The following RBMS3 variants were observed in gnomAD, a reference collection of about 807,000 sequenced individuals.
RBMS3 encodes the protein RNA-binding motif, single-stranded-interacting protein 3.
Under a neutral mutation model 66.8 loss-of-function variants are expected in RBMS3, and 27 were observed. The observed-to-expected ratio is 0.40, with a 90% CI of 0.30 to 0.56. RBMS3 has a LOEUF of 0.56. Ranked by LOEUF, RBMS3 falls within the 20% of genes least tolerant of loss-of-function variation. The pLI, the probability that RBMS3 is intolerant of heterozygous loss-of-function variation, is 0.40. For synonymous variants in RBMS3, 188 were observed against 183.0 expected (o/e 1.03, Z -0.22); for missense variants, 513 against 549.5 (o/e 0.93, Z 0.66).
At chr3:29,578,790 CTTTTTTTT>C (rs1185861167) in intron 3 of RBMS3, among the ~76,000 whole-genome samples, 2 of 101,086 alleles carry the variant, frequency 2.0e-5, no homozygotes, top group African/African-American at 9.1e-5. Context: ...ATACATGCTT[CTTTTTTTT>C]TTTTTTTTTT....
intron 12 of RBMS3, among the ~76,000 whole-genome samples, chr3:29,972,566 C>G (rs1307653431): frequency 1.3e-5 from 1 of 75,548 alleles, no homozygotes; most frequent in Non-Finnish European, 2.3e-5. Flanking sequence ...AATCTCTTGA[C>G]TAAAAAAACA....
At chr3:29,635,796 G>A (rs1178008269) in intron 4 of RBMS3, among the ~76,000 whole-genome samples, 1 of 151,756 alleles carries the variant, frequency 6.6e-6, no homozygotes, top group Admixed American at 6.6e-5. Flanking sequence ...TAGTTTTAAG[G>A]TATAATCCTA....
intron 4 of RBMS3, among the ~76,000 whole-genome samples, chr3:29,710,218 G>T (rs564433825): frequency 6.3e-4 from 96 of 152,182 alleles, no homozygotes; most frequent in African/African-American, 2.2e-3. Flanking sequence ...AAAGAACCAG[G>T]CCTTATTAAT....
chr3:29,323,743 C>A (rs1442666410), intron 1 of RBMS3, among the ~76,000 whole-genome samples: 1 of 150,428 alleles, frequency 6.6e-6, no homozygotes, highest in Non-Finnish European at 1.5e-5. Flanking sequence ...GGACTGAATT[C>A]TAGATGCAAT....
intron 3 of RBMS3, among the ~76,000 whole-genome samples, chr3:29,524,415 A>AT (rs1222102515): frequency 0.23 from 13,370 of 57,052 alleles, 4,194 homozygotes; most frequent in East Asian, 0.48. Flanking sequence ...CTCCCTTTAC[A>AT]TTTTTTTTTT....
intron 3 of RBMS3, among the ~76,000 whole-genome samples, chr3:29,574,343 C>A (rs1160463232): frequency 6.6e-6 from 1 of 152,020 alleles, no homozygotes; most frequent in Non-Finnish European, 1.5e-5. Context: ...CAGTTTTTGT[C>A]TTGAAATCCA....
intron 4 of RBMS3, among the ~76,000 whole-genome samples, chr3:29,701,964 C>T (rs1392746911): frequency 3.3e-5 from 5 of 152,294 alleles, no homozygotes; most frequent in East Asian, 1.9e-4. Context: ...TGCCCGCGGC[C>T]GTGGCGCGGG....
chr3:30,003,702 T>C (rs570444455), intron 14 of RBMS3, among the ~76,000 whole-genome samples, 154 bp from the exon 15 acceptor site: 22 of 151,964 alleles, frequency 1.4e-4, no homozygotes, highest in Non-Finnish European at 2.5e-4. Flanking sequence ...AATTTGACAA[T>C]CTCATAGACT....
At position 29,691,949 on chromosome 3, in the gene RBMS3, A is replaced by ATTTTTTTTTTTTTTTTT. The variant is rs1294126975; in HGVS notation, c.400-47769_400-47753dup. On this transcript the variant is annotated intron_variant, in intron 4 of 14. Transcript: ENST00000383767. Reference sequence around the variant, plus strand: ...GTGACCCTTCTCTCTCTCTCTCTCTATTTTTTTTTTTTTTTTTTGAGATGG... The same window carrying ATTTTTTTTTTTTTTTTT: ...GTGACCCTTCTCTCTCTCTCTCTCTATTTTTTTTTTTTTTTTTTTTTTTTTTTTTTTTTTTGAGATGG... Among the ~76,000 whole-genome samples the ATTTTTTTTTTTTTTTTT allele has an allele frequency of 7.9e-3, 514 of 64,906 alleles. 105 individuals are homozygous for ATTTTTTTTTTTTTTTTT. Among genetic ancestry groups the ATTTTTTTTTTTTTTTTT allele is most frequent in the East Asian group, 0.018 (40 of 2,244 alleles). 42.6% of individuals were successfully genotyped at this position (64,906 alleles called of 152,430 possible).
At chr3:29,946,338 CTT>C (rs1217337585) in intron 12 of RBMS3, among the ~76,000 whole-genome samples, 1 of 151,618 alleles carries the variant, frequency 6.6e-6, no homozygotes, top group East Asian at 1.9e-4. Flanking sequence ...ACAAATAACT[CTT>C]TGCCAGTGTA....
rs139099677 is a variant in RBMS3 at position 29,843,389 on chromosome 3, T to C, written c.638-25469T>C. On this transcript the variant is annotated intron_variant, in intron 6 of 14. Transcript: ENST00000383767. ...ATCATATAGATAAGCAATGCAGGATTTCAGTGATTTCTATGGTCACCAGTA... is the reference window on the plus strand; with the variant it reads ...ATCATATAGATAAGCAATGCAGGATCTCAGTGATTTCTATGGTCACCAGTA... 3.2e-4 allele frequency among the ~76,000 whole-genome samples: 49 copies of C among 152,300 alleles called. No individual in the cohort carries two copies. The East Asian group carries it at 7.3e-3, about 23-fold the overall frequency.
At chr3:29,786,741 G>A (rs1257377307) in intron 6 of RBMS3, among the ~76,000 whole-genome samples, 1 of 152,118 alleles carries the variant, frequency 6.6e-6, no homozygotes, top group Non-Finnish European at 1.5e-5. Context: ...AAAGATTCTA[G>A]AAGATAACAT....
chr3:29,538,789 A>G (rs1405419158), intron 3 of RBMS3, among the ~76,000 whole-genome samples: 2 of 152,220 alleles, frequency 1.3e-5, no homozygotes, highest in African/African-American at 4.8e-5. Flanking sequence ...GTGTCAAGCC[A>G]ACCTGGATTC....
At chr3:29,952,420 G>A (rs979742062) in intron 12 of RBMS3, among the ~76,000 whole-genome samples, 1 of 151,758 alleles carries the variant, frequency 6.6e-6, no homozygotes, top group Non-Finnish European at 1.5e-5. Context: ...TGCAGCAGTT[G>A]GAACAACCTA....
intron 10 of RBMS3, among the ~76,000 whole-genome samples, chr3:29,916,871 G>A (rs2060650639): frequency 6.6e-6 from 1 of 152,008 alleles, no homozygotes. Flanking sequence ...TAATTATCAT[G>A]TAATTAATTA....
At chr3:29,582,881 A>G (rs1305683002) in intron 3 of RBMS3, among the ~76,000 whole-genome samples, 2 of 152,084 alleles carry the variant, frequency 1.3e-5, no homozygotes, top group Admixed American at 6.6e-5. Flanking sequence ...GAATGGGAGT[A>G]TTTTTCAGGG....
intron 5 of RBMS3, among the ~76,000 whole-genome samples, chr3:29,760,735 G>C (rs2055642741): frequency 6.6e-6 from 1 of 151,860 alleles, no homozygotes; most frequent in African/African-American, 2.4e-5. Context: ...GAAAGAGTTA[G>C]GAAAATTGTA....
At chr3:29,837,185 T>C (rs2058532957) in intron 6 of RBMS3, among the ~76,000 whole-genome samples, 2 of 152,060 alleles carry the variant, frequency 1.3e-5, no homozygotes. Flanking sequence ...CCAACACAGG[T>C]GATTCTCCTC....
At chr3:29,477,915 AC>A (rs2043006416) in intron 2 of RBMS3, among the ~76,000 whole-genome samples, 1 of 152,054 alleles carries the variant, frequency 6.6e-6, no homozygotes, top group African/African-American at 2.4e-5. Context: ...ACAGGAATGC[AC>A]CACGATGCCT....
Sources: gnomAD v4.1 joint callset for allele counts (sites outside exome capture counted in the v4.1 genomes callset) on GRCh38, gnomAD v4.1.1 for gene constraint, MANE v1.5 for transcripts, NCBI Gene and HGNC (gene_info 2026-07-23, HGNC 2026-07-21) for gene names.